Variants in VDAC2 observed in about 807,000 individuals in gnomAD.
VDAC2 encodes the protein non-selective voltage-gated ion channel VDAC2.
A neutral mutation model predicts 36.6 loss-of-function variants in VDAC2; 6 were observed. The observed-to-expected ratio is 0.16, with a 90% CI of 0.09 to 0.32. The LOEUF (loss-of-function observed/expected upper bound fraction) is 0.32, where lower values mean the gene tolerates loss of function less well. VDAC2 is among the 10% of genes least tolerant of loss of function. The pLI, the probability that VDAC2 is intolerant of heterozygous loss-of-function variation, is 1.00. For synonymous variants in VDAC2, 109 were observed against 123.8 expected (o/e 0.88, Z 0.79); for missense variants, 247 against 346.0 (o/e 0.71, Z 2.27).
At chr10:75,221,681 C>T (rs1320090988) in intron 7 of VDAC2, among the ~76,000 whole-genome samples, 1 of 151,962 alleles carries the variant, frequency 6.6e-6, no homozygotes, top group Non-Finnish European at 1.5e-5. Flanking sequence ...GCTATGTTGC[C>T]CAGGCTTGTC....
chr10:75,212,377 C>A (rs1841451524), intron 3 of VDAC2, 79 bp downstream of exon 3: 2 of 1,236,124 alleles, frequency 1.6e-6, no homozygotes, highest in Non-Finnish European at 2.3e-6. Context: ...TCAGATCAAT[C>A]ATTGCAAATT....
intron 7 of VDAC2, 146 bp from the exon 8 acceptor site, chr10:75,222,105 CT>C: frequency 1.3e-6 from 1 of 794,062 alleles, no homozygotes; most frequent in Non-Finnish European, 1.9e-6. Flanking sequence ...GGAAAAAAAC[CT>C]GTTAAAACTT....
intron 6 of VDAC2, 109 bp downstream of exon 6, chr10:75,219,465 G>A: frequency 1.1e-6 from 1 of 906,952 alleles, no homozygotes; most frequent in Admixed American, 2.7e-5. Flanking sequence ...ACCTTGTGGT[G>A]GTGAAATCTC....
At chr10:75,227,777 G>A (rs528517068) in intron 8 of VDAC2, among the ~76,000 whole-genome samples, 1 of 151,642 alleles carries the variant, frequency 6.6e-6, no homozygotes, top group East Asian at 2.0e-4. Context: ...AGTAGAGACG[G>A]GGTTTCACCA....
intron 8 of VDAC2, among the ~76,000 whole-genome samples, chr10:75,225,607 G>C (rs1039722457): frequency 6.6e-6 from 1 of 152,124 alleles, no homozygotes; most frequent in African/African-American, 2.4e-5. Flanking sequence ...ATTTGCCAGC[G>C]AGCCTGGAAA....
At chr10:75,226,147 C>G (rs72805379) in intron 8 of VDAC2, among the ~76,000 whole-genome samples, 2,415 of 152,202 alleles carry the variant, frequency 0.016, 25 homozygotes, top group Middle Eastern at 0.034. Flanking sequence ...AGATGATAGG[C>G]ATATTTGTGT....
chr10:75,230,544 G>A (rs1395073698), intron 9 of VDAC2, among the ~76,000 whole-genome samples: 6 of 151,996 alleles, frequency 3.9e-5, no homozygotes, highest in African/African-American at 7.2e-5. Flanking sequence ...ATTTACCCCC[G>A]TTCCCAAATG....
chr10:75,223,479 T>C (rs896127787), intron 8 of VDAC2, among the ~76,000 whole-genome samples: 1 of 152,208 alleles, frequency 6.6e-6, no homozygotes, highest in African/African-American at 2.4e-5. Context: ...ATTTAATGAC[T>C]CCTGGGAATT....
At chr10:75,215,344 G>T (rs149990680) in intron 4 of VDAC2, among the ~76,000 whole-genome samples, 1,857 of 151,680 alleles carry the variant, frequency 0.012, 16 homozygotes, top group Middle Eastern at 0.017. Flanking sequence ...TATATATATA[G>T]AGAGAGAGAG....
At chr10:75,229,497 G>A in intron 8 of VDAC2, 147 bp from the exon 9 acceptor site, 2 of 572,840 alleles carry the variant, frequency 3.5e-6, no homozygotes, top group South Asian at 5.4e-5. Flanking sequence ...ATAGTACCTG[G>A]TTTGTTTGGC....
intron 2 of VDAC2, 110 bp downstream of exon 2, chr10:75,211,299 G>A: frequency 6.7e-7 from 1 of 1,493,002 alleles, no homozygotes; most frequent in Non-Finnish European, 9.1e-7. Context: ...AAATTCGGCT[G>A]CTTTTGGTGG....
chr10:75,213,937 TG>T (rs1841515920), intron 3 of VDAC2, 83 bp from the exon 4 acceptor site: 1 of 1,327,518 alleles, frequency 7.5e-7, no homozygotes, highest in South Asian at 1.2e-5. Flanking sequence ...GGAATCTTTT[TG>T]TTTTTTATGT....
At position 75,211,136 on chromosome 10, in the gene VDAC2, T is replaced by C. The variant is rs778225828; in HGVS notation, c.-23T>C. On this transcript the variant is annotated splice_region_variant and 5_prime_UTR_variant, in exon 2 of 10. Coordinates refer to ENST00000332211, the MANE Select transcript of VDAC2 (RefSeq NM_001391963.1). ...CGCACTTCTTGTCCCTCCCGCAGAT[T>C]CCCCTCTTCCCGCGGCCTCGCCATG... is the stretch of plus-strand genomic sequence containing the variant. 3 of 1,609,978 alleles carry C rather than the reference T, an allele frequency of 1.9e-6. No homozygotes were observed. The highest frequency in any genetic ancestry group is 1.7e-5 in the Admixed American group (1 of 59,556).
intron 4 of VDAC2, 107 bp from the exon 5 acceptor site, chr10:75,218,956 T>C: frequency 8.2e-7 from 1 of 1,218,164 alleles, no homozygotes; most frequent in Non-Finnish European, 1.1e-6. Context: ...AAAGGATTCA[T>C]GAATTTACCA....
chr10:75,219,817 ATTTATTTTAT>A (rs368501496), intron 6 of VDAC2, among the ~76,000 whole-genome samples: 2 of 137,132 alleles, frequency 1.5e-5, no homozygotes, highest in Admixed American at 7.6e-5. Flanking sequence ...ATTTTATTGT[ATTTATTTTAT>A]TTTATTTTAT....
At chr10:75,218,451 A>T (rs1032397244) in intron 4 of VDAC2, among the ~76,000 whole-genome samples, 3 of 152,074 alleles carry the variant, frequency 2.0e-5, no homozygotes, top group African/African-American at 7.3e-5. Flanking sequence ...AAATCACCTT[A>T]GCAAAACCTT....
intron 5 of VDAC2, 35 bp downstream of exon 5, chr10:75,219,250 A>T: frequency 1.3e-6 from 2 of 1,554,258 alleles, no homozygotes; most frequent in South Asian, 2.5e-5. Context: ...TAATTTTATT[A>T]ATTTATTTTT....
At chr10:75,217,844 C>A in intron 4 of VDAC2, 1 of 1,171,130 alleles carries the variant, frequency 8.5e-7, no homozygotes, top group Non-Finnish European at 1.1e-6. Context: ...GTTGACTGGC[C>A]TTTCCTCCTA....
chr10:75,211,039 G>T, intron 1 of VDAC2, 95 bp from the exon 2 acceptor site: 1 of 1,229,848 alleles, frequency 8.1e-7, no homozygotes, highest in Non-Finnish European at 1.1e-6. Context: ...TTCCTAAGAT[G>T]GCCGCGCTGC....
Sources: gnomAD v4.1 joint callset for allele counts (sites outside exome capture counted in the v4.1 genomes callset) on GRCh38, gnomAD v4.1.1 for gene constraint, MANE v1.5 for transcripts, NCBI Gene and HGNC (gene_info 2026-07-23, HGNC 2026-07-21) for gene names.